The following BCL2L1 variants were observed in gnomAD, a reference collection of about 807,000 sequenced individuals.
The protein encoded by BCL2L1 is BCL2 like 1, also known as bcl-2-like protein 1.
A neutral mutation model predicts 18.7 loss-of-function variants in BCL2L1; 1 was observed. That is an observed-to-expected ratio of 0.05 (90% CI 0.02 to 0.25). The LOEUF is 0.25. Among genes scored for constraint, BCL2L1 ranks in the 10% least tolerant of loss-of-function variants. The probability of loss-of-function intolerance (pLI) is 1.00; values close to 1 mark genes in which losing one functional copy is unlikely to be tolerated. For missense variants in BCL2L1, 207 were observed against 304.9 expected, an observed-to-expected ratio of 0.68 and a Z score of 2.39; for synonymous variants, 103 against 122.7, an observed-to-expected ratio of 0.84 and a Z score of 1.06.
rs1385342219 is a variant in BCL2L1, at chr20:31,722,612, A to G, written c.-131+6T>C. 2 of 153,890 alleles carry G rather than the reference A, an allele frequency of 1.3e-5. No individual in the cohort carries two copies. The highest frequency in any genetic ancestry group is 4.0e-4 in the East Asian group (2 of 5,050). The allele number at this position is 153,890 out of a possible 1,614,324, so 9.5% of individuals were successfully genotyped here. On this transcript the variant is annotated splice_donor_region_variant and intron_variant, in intron 1 of 2. Coordinates refer to ENST00000307677, the MANE Select transcript of BCL2L1 (RefSeq NM_138578.3). ...CGCCCCACTCCCGCTCCCCCGCACC[A>G]CCTACATTCAAATCCGCCTTAGGCA... is the stretch of plus-strand genomic sequence containing the variant.
chr20:31,692,985 C>T (rs1600838671), intron 2 of BCL2L1, among the ~76,000 whole-genome samples: 4 of 149,342 alleles, frequency 2.7e-5, no homozygotes, highest in Admixed American at 2.0e-4. Flanking sequence ...GCAGAAGAAC[C>T]GCTTGAACCC....
At chr20:31,666,955 C>T (rs779876465) in intron 2 of BCL2L1, among the ~76,000 whole-genome samples, 12 of 152,170 alleles carry the variant, frequency 7.9e-5, no homozygotes, top group Non-Finnish European at 1.3e-4. Flanking sequence ...GGGAGAAGGA[C>T]GCTTAGAACA....
intron 2 of BCL2L1, among the ~76,000 whole-genome samples, chr20:31,706,761 T>G (rs1479163534): frequency 6.6e-6 from 1 of 152,248 alleles, no homozygotes; most frequent in Non-Finnish European, 1.5e-5. Flanking sequence ...GGCTGTGACT[T>G]TAGTCAAGGA....
chr20:31,672,112 GA>G (rs777097751), intron 2 of BCL2L1, among the ~76,000 whole-genome samples: 7 of 146,350 alleles, frequency 4.8e-5, no homozygotes, highest in Non-Finnish European at 7.6e-5. Flanking sequence ...AGGATAACAA[GA>G]AAAAAAAAAG....
chr20:31,668,857 G>C (rs932732135), intron 2 of BCL2L1, among the ~76,000 whole-genome samples: 2 of 151,222 alleles, frequency 1.3e-5, no homozygotes, highest in Admixed American at 1.3e-4. Context: ...TGCTCACCTC[G>C]GCCTCCCAAA....
intron 2 of BCL2L1, among the ~76,000 whole-genome samples, chr20:31,710,683 C>A (rs1196543963): frequency 6.6e-6 from 1 of 152,230 alleles, no homozygotes; most frequent in Non-Finnish European, 1.5e-5. Context: ...CAGGGCCCAG[C>A]AATGCAGTCA....
At chr20:31,691,934 A>G (rs2061082196) in intron 2 of BCL2L1, among the ~76,000 whole-genome samples, 1 of 152,240 alleles carries the variant, frequency 6.6e-6, no homozygotes, top group Admixed American at 6.5e-5. Context: ...TGGAAAACCC[A>G]TATGCTGTTG....
intron 2 of BCL2L1, among the ~76,000 whole-genome samples, chr20:31,667,332 G>A (rs921054199): frequency 4.6e-5 from 7 of 151,722 alleles, no homozygotes; most frequent in East Asian, 3.9e-4. Context: ...GTGGTGGCAC[G>A]CACCTGTAAT....
chr20:31,706,896 C>T (rs2061376383), intron 2 of BCL2L1, among the ~76,000 whole-genome samples: 1 of 152,212 alleles, frequency 6.6e-6, no homozygotes. Flanking sequence ...TATGAGGCAA[C>T]AGGCAGAGCT....
rs1202951098 is a variant in BCL2L1, at chr20:31,720,687, T to G, written c.564+968A>C. 9.2e-6 allele frequency: 9 copies of G among 981,994 alleles called. No individual in the cohort carries two copies. In the African/African-American group the frequency reaches 1.6e-4, roughly 17 times the overall value. 60.8% of individuals were successfully genotyped at this position (981,994 alleles called of 1,614,324 possible). A position where few individuals can be genotyped will look rare whatever the true frequency, so the allele number is the denominator to read the frequency against. On this transcript the variant is annotated intron_variant, in intron 2 of 2. Transcript: ENST00000307677. The stretch of plus-strand genomic sequence containing the variant: ...GGCAAGGAGAGCTTGCCACATTTTT[T>G]AGTGAAAGAAACTAAGCCTCAAGAA...
At chr20:31,669,596 C>T (rs927183054) in intron 2 of BCL2L1, among the ~76,000 whole-genome samples, 5 of 151,822 alleles carry the variant, frequency 3.3e-5, no homozygotes, top group African/African-American at 4.8e-5. Context: ...CCTGCCACCA[C>T]GCCTAGCTAA....
At chr20:31,720,924 C>A in intron 2 of BCL2L1, 1 of 985,424 alleles carries the variant, frequency 1.0e-6, no homozygotes, top group African/African-American at 1.7e-5. Context: ...CGACCCCAGG[C>A]AATGAGGTGC....
intron 2 of BCL2L1, among the ~76,000 whole-genome samples, chr20:31,690,404 T>A (rs779925914): frequency 2.6e-5 from 4 of 152,144 alleles, no homozygotes; most frequent in Non-Finnish European, 5.9e-5. Flanking sequence ...TTTAAACTTA[T>A]TCTTATGATA....
chr20:31,674,062 ATCTG>A (rs1443430139), intron 2 of BCL2L1, among the ~76,000 whole-genome samples: 17 of 152,222 alleles, frequency 1.1e-4, no homozygotes, highest in African/African-American at 4.1e-4. Context: ...CAAGAGTAGG[ATCTG>A]TCTGAGTTCT....
intron 2 of BCL2L1, among the ~76,000 whole-genome samples, chr20:31,692,610 CTAA>C (rs1258717747): frequency 1.3e-5 from 2 of 151,630 alleles, no homozygotes; most frequent in Non-Finnish European, 2.9e-5. Flanking sequence ...CCCATCTCTA[CTAA>C]TAATACAAAA....
chr20:31,704,034 T>C lies in BCL2L1; in HGVS notation c.564+17621A>G, dbSNP rs562826191. On this transcript the variant is annotated intron_variant, in intron 2 of 2. Transcript: ENST00000307677. ...GCTGGTATCGAACTCCTGACCTTAG[T>C]TGATCCACTCGGCTTGGCCTCCCAA... Among the ~76,000 whole-genome samples the C allele has an allele frequency of 8.1e-5, 12 of 148,008 alleles. No homozygotes were observed. The East Asian group carries it at 1.2e-3, about 15-fold the overall frequency.
upstream of BCL2L1, chr20:31,723,488 T>A: frequency 1.0e-6 from 1 of 985,234 alleles, no homozygotes; most frequent in Non-Finnish European, 1.2e-6. Context: ...GAGCCCAGGG[T>A]GGGCCGGCTG....
chr20:31,720,909 C>T lies in BCL2L1; in HGVS notation c.564+746G>A, dbSNP rs1052554329. On this transcript the variant is annotated intron_variant, in intron 2 of 2. Coordinates refer to ENST00000307677, the MANE Select transcript of BCL2L1 (RefSeq NM_138578.3). ...TAACAGGCAGAGCAGCTGGAGCTCC[C>T]CAACCGACCCCAGGCAATGAGGTGC... is the stretch of plus-strand genomic sequence containing the variant. The T allele has an allele frequency of 5.1e-6, 5 of 985,312 alleles. No homozygotes were observed. The African/African-American group carries it at 8.7e-5, about 17-fold the overall frequency. 61.0% of individuals were successfully genotyped at this position (985,312 alleles called of 1,614,324 possible). A position where few individuals can be genotyped will look rare whatever the true frequency, so the allele number is the denominator to read the frequency against.
intron 2 of BCL2L1, among the ~76,000 whole-genome samples, chr20:31,682,862 C>T (rs1235965573): frequency 1.3e-5 from 2 of 152,176 alleles, no homozygotes; most frequent in Non-Finnish European, 2.9e-5. Context: ...CTTTCTCATC[C>T]TTAAATCCCC....
Sources: gnomAD v4.1 joint callset for allele counts (sites outside exome capture counted in the v4.1 genomes callset) on GRCh38, gnomAD v4.1.1 for gene constraint, MANE v1.5 for transcripts, NCBI Gene and HGNC (gene_info 2026-07-23, HGNC 2026-07-21) for gene names.